The following SNX29 variants were observed in gnomAD, a reference collection of about 807,000 sequenced individuals.
SNX29 encodes the protein sorting nexin-29.
In SNX29, 78 loss-of-function variants were observed where a neutral mutation model predicts 102.1. The ratio of observed to expected loss-of-function variants is 0.76; its 90% CI spans 0.64 to 0.92. SNX29 has a LOEUF of 0.92. Among genes scored for constraint, SNX29 ranks in the 40% least tolerant of loss-of-function variants. The pLI is 0.00. For synonymous variants in SNX29, 580 were observed against 414.5 expected, an observed-to-expected ratio of 1.40 and a Z score of -4.85; for missense variants, 1,280 against 1,061.7, an observed-to-expected ratio of 1.21 and a Z score of -2.86.
At chr16:12,135,023 G>C (rs1178452594) in intron 13 of SNX29, among the ~76,000 whole-genome samples, 1 of 152,168 alleles carries the variant, frequency 6.6e-6, no homozygotes, top group East Asian at 1.9e-4. Flanking sequence ...TGAGTCTGAA[G>C]GCATGAGAGC....
At chr16:12,386,955 T>C (rs2083362797) in intron 16 of SNX29, among the ~76,000 whole-genome samples, 1 of 151,968 alleles carries the variant, frequency 6.6e-6, no homozygotes, top group East Asian at 1.9e-4. Flanking sequence ...TGAAACCTCA[T>C]CTGTACTAAA....
At chr16:12,523,795 C>G (rs2090190728) in intron 19 of SNX29, among the ~76,000 whole-genome samples, 1 of 152,166 alleles carries the variant, frequency 6.6e-6, no homozygotes, top group African/African-American at 2.4e-5. Flanking sequence ...CTGCTCAGAC[C>G]TGGGGACCTG....
chr16:12,121,450 C>A (rs1463912048), intron 11 of SNX29, among the ~76,000 whole-genome samples: 4 of 152,250 alleles, frequency 2.6e-5, no homozygotes, highest in Admixed American at 6.5e-5. Context: ...TGCAGGTCGG[C>A]CCGCACTTCT....
intron 15 of SNX29, among the ~76,000 whole-genome samples, chr16:12,290,359 C>T (rs1401674491): frequency 1.3e-5 from 2 of 152,142 alleles, no homozygotes; most frequent in African/African-American, 2.4e-5. Flanking sequence ...CCTTTCCTGT[C>T]CGTTTTCGCT....
Position 12,527,512 on chromosome 16 carries a change from C to A in SNX29, c.2318+2671C>A, listed in dbSNP as rs1597749373. On this transcript the variant is annotated intron_variant, in intron 20 of 20. Coordinates refer to ENST00000566228, the MANE Select transcript of SNX29 (RefSeq NM_032167.5). ...AGTTACTGAACGTAACCGGATTGTT[C>A]ACTAAAGAGAGGGCCCCCCATTTTC... The A allele has an allele frequency of 1.5e-5, 6 of 408,928 alleles. No homozygotes were observed. In the East Asian group the frequency reaches 2.5e-4, roughly 17 times the overall value. The allele number at this position is 408,928 out of a possible 1,614,324, so 25.3% of individuals were successfully genotyped here. A position where few individuals can be genotyped will look rare whatever the true frequency, so the allele number is the denominator to read the frequency against.
chr16:12,001,709 C>G (rs1219205146), intron 2 of SNX29, among the ~76,000 whole-genome samples: 1 of 152,082 alleles, frequency 6.6e-6, no homozygotes, highest in Non-Finnish European at 1.5e-5. Flanking sequence ...AGCAGAGATA[C>G]TATACCTTTA....
intron 16 of SNX29, among the ~76,000 whole-genome samples, chr16:12,368,570 G>C (rs1369884477): frequency 6.6e-6 from 1 of 152,156 alleles, no homozygotes; most frequent in Admixed American, 6.5e-5. Context: ...AATATATTTT[G>C]TGTGACTTGT....
chr16:12,082,157 C>T (rs1008146260), intron 11 of SNX29, among the ~76,000 whole-genome samples: 1 of 151,734 alleles, frequency 6.6e-6, no homozygotes, highest in Non-Finnish European at 1.5e-5. Flanking sequence ...TTGACTCTGG[C>T]TGTGAGGCAC....
chr16:12,572,685 C>G lies in SNX29; in HGVS notation c.*4056C>G. ...GCTGCAGCACCCACACGGGGGAAGC[C>G]CTGCACTCCAGCAGCATCTTCCAGC... On this transcript the variant is annotated 3_prime_UTR_variant, in exon 21 of 21. Transcript: ENST00000566228. 9.4e-7 allele frequency: 1 copy of G among 1,063,840 alleles called. No individual in the cohort carries two copies. Among genetic ancestry groups the G allele is most frequent in the South Asian group, 4.6e-5 (1 of 21,972 alleles). 65.9% of individuals were successfully genotyped at this position (1,063,840 alleles called of 1,614,324 possible).
chr16:12,037,718 G>A (rs570001568), intron 4 of SNX29, among the ~76,000 whole-genome samples: 1 of 151,924 alleles, frequency 6.6e-6, no homozygotes, highest in Admixed American at 6.6e-5. Flanking sequence ...TTGGGAGGCC[G>A]ATGCTGGATG....
chr16:12,056,073 G>C (rs2050508646), intron 8 of SNX29, among the ~76,000 whole-genome samples: 1 of 152,094 alleles, frequency 6.6e-6, no homozygotes, highest in Non-Finnish European at 1.5e-5. Flanking sequence ...ATAGAGATGG[G>C]GTTTCACCAT....
At chr16:12,279,212 G>A (rs12445569) in intron 15 of SNX29, among the ~76,000 whole-genome samples, 90,637 of 152,054 alleles carry the variant, frequency 0.6, 27,662 homozygotes, top group African/African-American at 0.69. Context: ...GAAGACACTC[G>A]CTCATTGCTG....
chr16:12,225,022 T>A (rs1042628405), intron 14 of SNX29, among the ~76,000 whole-genome samples: 5 of 152,254 alleles, frequency 3.3e-5, no homozygotes, highest in African/African-American at 1.2e-4. Context: ...AACCAGCCTG[T>A]GGATCTTGAC....
At chr16:12,294,112 G>A (rs1403706156) in intron 15 of SNX29, among the ~76,000 whole-genome samples, 1 of 152,226 alleles carries the variant, frequency 6.6e-6, no homozygotes, top group Non-Finnish European at 1.5e-5. Flanking sequence ...TGGTCAGAAT[G>A]TGAGAATCGA....
intron 16 of SNX29, among the ~76,000 whole-genome samples, chr16:12,391,223 A>G (rs900979449): frequency 5.3e-5 from 8 of 152,146 alleles, no homozygotes; most frequent in South Asian, 2.1e-4. Context: ...TGGGATTACA[A>G]GCATGAGCCA....
rs1477440302 is a variant in SNX29 at position 12,573,393 on chromosome 16, A to C, written c.*4764A>C. The C allele has an allele frequency of 4.5e-6, 1 of 223,602 alleles. No homozygotes were observed. The highest frequency in any genetic ancestry group is 8.9e-6 in the Non-Finnish European group (1 of 112,242). 13.9% of individuals were successfully genotyped at this position (223,602 alleles called of 1,614,324 possible). A position where few individuals can be genotyped will look rare whatever the true frequency, so the allele number is the denominator to read the frequency against. ...AAGTTGCGTATCCTTCCTTATAGCT[A>C]GTTTCTATAGAGAAGTGAAAAAGAA... On this transcript the variant is annotated 3_prime_UTR_variant, in exon 21 of 21. Transcript: ENST00000566228.
At chr16:12,341,548 A>G (rs886398230) in intron 15 of SNX29, among the ~76,000 whole-genome samples, 2 of 152,246 alleles carry the variant, frequency 1.3e-5, no homozygotes, top group Non-Finnish European at 2.9e-5. Context: ...TCCTGTTCGT[A>G]TGTGTCCAAC....
chr16:12,085,026 C>T (rs906294439), intron 11 of SNX29, among the ~76,000 whole-genome samples: 2 of 152,008 alleles, frequency 1.3e-5, no homozygotes, highest in African/African-American at 2.4e-5. Flanking sequence ...GTTATGATTA[C>T]ACCACTGCAC....
At chr16:12,282,328 G>A (rs1461759650) in intron 15 of SNX29, among the ~76,000 whole-genome samples, 1 of 152,198 alleles carries the variant, frequency 6.6e-6, no homozygotes, top group African/African-American at 2.4e-5. Flanking sequence ...GATGGCGCTG[G>A]TGGTGGGGAC....
Sources: gnomAD v4.1 joint callset for allele counts (sites outside exome capture counted in the v4.1 genomes callset) on GRCh38, gnomAD v4.1.1 for gene constraint, MANE v1.5 for transcripts, NCBI Gene and HGNC (gene_info 2026-07-23, HGNC 2026-07-21) for gene names.